FMO3: variants seen among roughly 807,000 people sequenced by gnomAD.
The protein encoded by FMO3 is flavin containing dimethylaniline monoxygenase 3, also known as flavin-containing monooxygenase 3.
Under a neutral mutation model 39.4 loss-of-function variants are expected in FMO3, and 40 were observed. That is an observed-to-expected ratio of 1.02 (90% confidence interval 0.79 to 1.32). The LOEUF (loss-of-function observed/expected upper bound fraction) is 1.32. Among genes scored for constraint, FMO3 ranks in the 40% most tolerant of loss-of-function variants. The pLI is 0.00. For missense variants in FMO3, 680 were observed against 651.8 expected, an observed-to-expected ratio of 1.04 and a Z score of -0.47; for synonymous variants, 219 against 228.8, an observed-to-expected ratio of 0.96 and a Z score of 0.39.
At chr1:171,108,277 G>A (rs1186212704) in intron 5 of FMO3, 56 bp downstream of exon 5, 218 of 1,598,248 alleles carry the variant, frequency 1.4e-4, no homozygotes, top group East Asian at 3.6e-4. Context: ...AGTTATTATC[G>A]TTTGAAAGGT....
intron 2 of FMO3, among the ~76,000 whole-genome samples, chr1:171,096,001 A>G (rs1654969692): frequency 9.0e-5 from 6 of 66,728 alleles, no homozygotes; most frequent in African/African-American, 1.4e-4. Context: ...ATATTTTTAT[A>G]TATTAATATA....
chr1:171,112,459 G>T (rs1277114275), intron 6 of FMO3, among the ~76,000 whole-genome samples: 1 of 152,162 alleles, frequency 6.6e-6, no homozygotes, highest in Non-Finnish European at 1.5e-5. Flanking sequence ...GCAGTGAGTG[G>T]TCAGAATTGG....
intron 1 of FMO3, among the ~76,000 whole-genome samples, chr1:171,091,460 A>G (rs1319276958): frequency 1.3e-5 from 2 of 152,140 alleles, no homozygotes; most frequent in African/African-American, 4.8e-5. Context: ...AAAAGTAGTG[A>G]AAGAAGTAGT....
At chr1:171,116,829 AT>A (rs1365622150) in intron 8 of FMO3, among the ~76,000 whole-genome samples, 1 of 152,200 alleles carries the variant, frequency 6.6e-6, no homozygotes, top group African/African-American at 2.4e-5. Flanking sequence ...AGGATAAAAA[AT>A]GTCTTTCTCA....
intron 1 of FMO3, among the ~76,000 whole-genome samples, chr1:171,091,895 G>A (rs1654727299): frequency 9.5e-6 from 1 of 105,206 alleles, no homozygotes; most frequent in African/African-American, 4.3e-5. Flanking sequence ...CAGATTGCGT[G>A]TGTGTGTGTG....
chr1:171,093,086 A>C (rs2101893008), intron 2 of FMO3, among the ~76,000 whole-genome samples: 1 of 151,886 alleles, frequency 6.6e-6, no homozygotes, highest in African/African-American at 2.4e-5. Context: ...ATGTAGTTAT[A>C]ATTATTTACT....
At chr1:171,101,217 A>G (rs777336696) in intron 2 of FMO3, 14 of 456,218 alleles carry the variant, frequency 3.1e-5, no homozygotes, top group South Asian at 2.0e-4. Flanking sequence ...GTACTGTCAC[A>G]CTTCGTTTTC....
chr1:171,117,249 A>G lies in FMO3; in HGVS notation c.1406A>G (p.Tyr469Cys), dbSNP rs376814445. 39 of 1,614,128 alleles carry G rather than the reference A, an allele frequency of 2.4e-5. No individual in the cohort carries two copies. In the East Asian group the frequency reaches 4.0e-4, roughly 17 times the overall value. Residue 469 changes from tyrosine (Y) to cysteine (C), a missense_variant, in exon 9 of 9, where the codon TAC becomes TGC. Tyr to Cys is a radical substitution (Grantham distance 194). Transcript: ENST00000367755. Reference sequence around the variant, plus strand: ...GTTTATTTTGGCCCTTGTAGTCCCTACCAGTTTAGGCTGGTGGGCCCAGGG... The same window carrying G: ...GTTTATTTTGGCCCTTGTAGTCCCTGCCAGTTTAGGCTGGTGGGCCCAGGG... ...MEVYFGPCSP[Y>C]QFRLVGPGQW...
chr1:171,092,817 A>C, intron 2 of FMO3, 27 bp downstream of exon 2: 1 of 1,612,726 alleles, frequency 6.2e-7, no homozygotes, highest in Non-Finnish European at 8.5e-7. Flanking sequence ...TGTAATAGAC[A>C]GGAAAATAGG....
rs572533923 is a variant in FMO3, at chr1:171,107,809, T to C, written c.456T>C (p.Tyr152=). 2 of 1,613,984 alleles carry C rather than the reference T, an allele frequency of 1.2e-6. No individual in the cohort carries two copies. Among genetic ancestry groups the C allele is most frequent in the South Asian group, 1.1e-5 (1 of 91,086 alleles). The change falls in exon 4 of 9, where the codon TAT becomes TAC. Residue 152 remains tyrosine (Y), a synonymous_variant. Coordinates refer to ENST00000367755, the MANE Select transcript of FMO3 (RefSeq NM_001002294.3). ...TGGTTTGTTCCGGACATCATGTGTA[T>C]CCCAACCTACCAAAAGAGTCCTTTC... The part of the protein sequence containing the change: ...AVMVCSGHHV[Y]PNLPKESFPG...
At position 171,108,104 on chromosome 1, in the gene FMO3, C is replaced by T; in HGVS notation, c.510C>T (p.Cys170=). The T allele has an allele frequency of 6.2e-7, 1 of 1,613,864 alleles. No homozygotes were observed. ...GACTAAACCACTTTAAAGGCAAATG[C>T]TTCCACAGCAGGGACTATAAAGAAC... ...FPGLNHFKGK[C]FHSRDYKEPG... The change falls in exon 5 of 9, where the codon TGC becomes TGT. Residue 170 remains cysteine, a synonymous_variant. Transcript: ENST00000367755.
chr1:171,104,471 GAC>G (rs1199598365), intron 3 of FMO3, among the ~76,000 whole-genome samples: 2 of 151,716 alleles, frequency 1.3e-5, no homozygotes, highest in African/African-American at 4.8e-5. Context: ...GTAAAAGAAA[GAC>G]AGAATAAACT....
In FMO3 at chr1:171,114,096, T is replaced by G. The variant is rs1656033948; in HGVS notation, c.917T>G (p.Phe306Cys). 1 of 1,613,720 alleles carries G rather than the reference T, an allele frequency of 6.2e-7. No homozygotes were observed. The highest frequency in any genetic ancestry group is 8.5e-7 in the Non-Finnish European group (1 of 1,179,822). The change falls in exon 7 of 9, where the codon TTC becomes TGC. Residue 306 changes from phenylalanine (F) to cysteine (C), a missense_variant. Transcript: ENST00000367755. ...TCCGTAAAGCCTAACGTGAAGGAATTCACAGAGACCTCGGCCATTTTTGAG... is the reference window on the plus strand; with the variant it reads ...TCCGTAAAGCCTAACGTGAAGGAATGCACAGAGACCTCGGCCATTTTTGAG... ...IVSVKPNVKE[F>C]TETSAIFEDG...
At chr1:171,096,004 TTA>T (rs1365845776) in intron 2 of FMO3, among the ~76,000 whole-genome samples, 2 of 64,302 alleles carry the variant, frequency 3.1e-5, no homozygotes, top group African/African-American at 1.5e-4. Context: ...TTTTTATATA[TTA>T]ATATACATAT....
In FMO3 at chr1:171,096,060, T is replaced by C. The variant is rs1296537849; in HGVS notation, c.132+3270T>C. On this transcript the variant is annotated intron_variant, in intron 2 of 8. Coordinates refer to ENST00000367755, the MANE Select transcript of FMO3 (RefSeq NM_001002294.3). ...ATATATTATATATAAATATATAATA[T>C]ATATTATATATTAATATATAATATA... 6.2e-4 allele frequency among the ~76,000 whole-genome samples: 33 copies of C among 53,400 alleles called. 1 individual carries two copies. Among genetic ancestry groups the C allele is most frequent in the Non-Finnish European group, 8.2e-4 (31 of 37,712 alleles). 35.0% of individuals were successfully genotyped at this position (53,400 alleles called of 152,430 possible).
chr1:171,112,239 C>T (rs1655945590), intron 6 of FMO3, among the ~76,000 whole-genome samples: 1 of 152,162 alleles, frequency 6.6e-6, no homozygotes, highest in South Asian at 2.1e-4. Flanking sequence ...TGTAAGGACT[C>T]TGGCTTTTAC....
chr1:171,092,747 G>A lies in FMO3; in HGVS notation c.89G>A (p.Cys30Tyr), dbSNP rs764600798. The change falls in exon 2 of 9, where the codon TGC becomes TAC. Residue 30 changes from cysteine (C) to tyrosine (Y), a missense_variant. By Grantham distance (194) the Cys-to-Tyr change is radical (BLOSUM62 -2). Transcript: ENST00000367755. Reference protein sequence around the residue: ...SCLEEGLEPTCFEKSNDIGGL... With the variant: ...SCLEEGLEPTYFEKSNDIGGL... ...CTGGAAGAGGGGCTGGAGCCCACCT[G>A]CTTTGAGAAGAGCAATGACATTGGG... 6.2e-7 allele frequency: 1 copy of A among 1,613,964 alleles called. No homozygotes were observed. Among genetic ancestry groups the A allele is most frequent in the East Asian group, 2.2e-5 (1 of 44,888 alleles).
At chr1:171,107,861 A>G (rs1393209043) in intron 4 of FMO3, 24 bp downstream of exon 4, 25 of 1,608,486 alleles carry the variant, frequency 1.6e-5, no homozygotes, top group East Asian at 2.2e-5. Flanking sequence ...TTAAGCTGCT[A>G]GCCACATAAC....
chr1:171,117,600 T>C lies in FMO3; in HGVS notation c.*158T>C, dbSNP rs1376995668. The C allele has an allele frequency of 1.7e-6, 1 of 595,802 alleles. No individual in the cohort carries two copies. 36.9% of individuals were successfully genotyped at this position (595,802 alleles called of 1,614,324 possible). A position where few individuals can be genotyped will look rare whatever the true frequency, so the allele number is the denominator to read the frequency against. ...CAGTAATACAGTGTTATTTCTAGGC[T>C]CTGAAATAGCCACTTTAAGAATCAT... On this transcript the variant is annotated 3_prime_UTR_variant, in exon 9 of 9. Transcript: ENST00000367755.
Sources: gnomAD v4.1 joint callset for allele counts (sites outside exome capture counted in the v4.1 genomes callset) on GRCh38, gnomAD v4.1.1 for gene constraint, MANE v1.5 for transcripts, NCBI Gene and HGNC (gene_info 2026-07-23, HGNC 2026-07-21) for gene names.